Variants in SYNPR observed in about 807,000 individuals in gnomAD.
SYNPR encodes the protein synaptoporin.
Under a neutral mutation model 32.9 loss-of-function variants are expected in SYNPR, and 23 were observed. The observed-to-expected ratio is 0.70, with a 90% CI of 0.50 to 0.99. The LOEUF is 0.99. Ranked by LOEUF, SYNPR falls within the 50% of genes least tolerant of loss-of-function variation. SYNPR has a pLI of 0.00. For synonymous variants in SYNPR, 146 were observed against 135.9 expected (o/e 1.07, Z -0.52); for missense variants, 318 against 349.3 (o/e 0.91, Z 0.71).
At chr3:63,546,169 C>A (rs1273818289) in intron 3 of SYNPR, among the ~76,000 whole-genome samples, 1 of 152,248 alleles carries the variant, frequency 6.6e-6, no homozygotes, top group South Asian at 2.1e-4. Context: ...TTCTCTATTA[C>A]TCAAATTCTA....
rs543985677 is a variant in SYNPR at position 63,502,478 on chromosome 3, CAT to C, written c.209+21526_209+21527del. 1.6e-4 allele frequency among the ~76,000 whole-genome samples: 24 copies of C among 152,250 alleles called. No individual in the cohort carries two copies. The South Asian group carries it at 5.0e-3, about 32-fold the overall frequency. On this transcript the variant is annotated intron_variant, in intron 3 of 5. Transcript: ENST00000478300. ...ACGGGTTTGAGTAAATGTACAATGACATATAATCACCACTATAGTACTATATG... is the reference window on the plus strand; with the variant it reads ...ACGGGTTTGAGTAAATGTACAATGACATAATCACCACTATAGTACTATATG...
intron 2 of SYNPR, among the ~76,000 whole-genome samples, chr3:63,266,106 T>C (rs2086483335): frequency 1.3e-5 from 2 of 152,230 alleles, no homozygotes; most frequent in African/African-American, 2.4e-5. Flanking sequence ...ACCAGGTAAC[T>C]CCCAATCCAA....
In SYNPR at chr3:63,411,649, G is replaced by A. The variant is rs1431227341; in HGVS notation, c.85-69183G>A. Among the ~76,000 whole-genome samples, 3 of 152,054 alleles carry A rather than the reference G, an allele frequency of 2.0e-5. No individual in the cohort carries two copies. In the East Asian group the frequency reaches 5.8e-4, roughly 29 times the overall value. On this transcript the variant is annotated intron_variant, in intron 2 of 5. Transcript: ENST00000478300. ...GAAAGAGAGCAGAAGAGTATTCCAG[G>A]AGACATAAACAGCATGTTCAAAGAC...
At chr3:63,367,875 T>G (rs1340868315) in intron 2 of SYNPR, among the ~76,000 whole-genome samples, 1 of 152,188 alleles carries the variant, frequency 6.6e-6, no homozygotes, top group African/African-American at 2.4e-5. Context: ...CACTGATGAT[T>G]TTCTGCAGGA....
intron 2 of SYNPR, among the ~76,000 whole-genome samples, chr3:63,416,357 C>T (rs1247163751): frequency 6.6e-6 from 1 of 151,834 alleles, no homozygotes; most frequent in African/African-American, 2.4e-5. Context: ...ATGGTGAAAC[C>T]CTGCCTCTAC....
intron 3 of SYNPR, among the ~76,000 whole-genome samples, chr3:63,516,581 T>C (rs1701805273): frequency 6.6e-6 from 1 of 152,060 alleles, no homozygotes; most frequent in Non-Finnish European, 1.5e-5. Flanking sequence ...ACAAATGAAG[T>C]CTCACCTTTA....
intron 4 of SYNPR, among the ~76,000 whole-genome samples, chr3:63,600,582 G>A (rs923501945): frequency 6.6e-6 from 1 of 152,174 alleles, no homozygotes; most frequent in African/African-American, 2.4e-5. Context: ...ATGTGTCAAG[G>A]ACAGGACCAG....
chr3:63,564,195 C>CA (rs1702745003), intron 4 of SYNPR, among the ~76,000 whole-genome samples: 2 of 137,738 alleles, frequency 1.5e-5, no homozygotes, highest in African/African-American at 2.7e-5. Context: ...GTGTGTCTTT[C>CA]TTTTTTTTTT....
Position 63,556,536 on chromosome 3 carries a change from A to G in SYNPR, c.210-7A>G, listed in dbSNP as rs1702597077. The G allele has an allele frequency of 3.1e-6, 5 of 1,604,006 alleles. No homozygotes were observed. In the East Asian group the frequency reaches 9.0e-5, roughly 29 times the overall value. On this transcript the variant is annotated splice_polypyrimidine_tract_variant and splice_region_variant and intron_variant, in intron 3 of 5. Transcript: ENST00000478300. ...TAAAGAATGTCTCCTTAAATCTGGC[A>G]ATTTAGGTTGCACCAGGTGACGTTT...
intron 2 of SYNPR, among the ~76,000 whole-genome samples, chr3:63,376,797 T>C (rs1194646067): frequency 6.6e-6 from 1 of 152,176 alleles, no homozygotes; most frequent in Non-Finnish European, 1.5e-5. Context: ...GTTTGATTCA[T>C]GACACTAGTT....
intron 2 of SYNPR, among the ~76,000 whole-genome samples, chr3:63,314,506 T>C (rs538590311): frequency 6.6e-6 from 1 of 152,200 alleles, no homozygotes; most frequent in South Asian, 2.1e-4. Context: ...TGTTGGTTTG[T>C]TGGCCATTTG....
At chr3:63,369,339 G>T (rs1051038108) in intron 2 of SYNPR, among the ~76,000 whole-genome samples, 1 of 152,144 alleles carries the variant, frequency 6.6e-6, no homozygotes, top group African/African-American at 2.4e-5. Flanking sequence ...TGCCTTGGCA[G>T]CCTGAGCAAA....
At chr3:63,211,528 T>A in the SYNPR span, among the ~76,000 whole-genome samples, 2 of 152,192 alleles carry the variant, frequency 1.3e-5, no homozygotes, top group African/African-American at 4.8e-5. Flanking sequence ...ATTATTTTGT[T>A]ATAAAGTTGT....
At position 63,547,304 on chromosome 3, in the gene SYNPR, C is replaced by T. The variant is rs1702425147; in HGVS notation, c.210-9239C>T. The stretch of plus-strand genomic sequence containing the variant: ...CAAACTTTTTCTTAACTTAAGCAAC[C>T]TGAGTCCAATTGCTGGAGTCTTCTC... On this transcript the variant is annotated intron_variant, in intron 3 of 5. Transcript: ENST00000478300. Among the ~76,000 whole-genome samples, 3 of 152,176 alleles carry T rather than the reference C, an allele frequency of 2.0e-5. No homozygotes were observed. In the South Asian group the frequency reaches 6.2e-4, roughly 32 times the overall value.
chr3:63,571,902 A>G (rs1408365171), intron 4 of SYNPR, among the ~76,000 whole-genome samples: 1 of 152,158 alleles, frequency 6.6e-6, no homozygotes, highest in Non-Finnish European at 1.5e-5. Context: ...TTTCCTGTCC[A>G]GCAAAATGAG....
At chr3:63,282,943 C>T (rs181171440) in intron 2 of SYNPR, among the ~76,000 whole-genome samples, 9 of 152,120 alleles carry the variant, frequency 5.9e-5, no homozygotes, top group Non-Finnish European at 8.8e-5. Context: ...AGTGAGTGTG[C>T]GTGTGTGCAA....
Position 63,514,116 on chromosome 3 carries a change from T to TA in SYNPR, c.209+33167dup, listed in dbSNP as rs372234646. Among the ~76,000 whole-genome samples the TA allele has an allele frequency of 4.6e-3, 695 of 152,238 alleles. 4 individuals are homozygous for TA. The highest frequency in any genetic ancestry group is 0.016 in the African/African-American group (656 of 41,554). Reference sequence around the variant, plus strand: ...TGATTCTTTTAGATCAGTAAAGCACTAAAAAAATTCAATAAGGCATGTAGG... The same window carrying TA: ...TGATTCTTTTAGATCAGTAAAGCACTAAAAAAAATTCAATAAGGCATGTAGG... On this transcript the variant is annotated intron_variant, in intron 3 of 5. Coordinates refer to ENST00000478300, the MANE Select transcript of SYNPR (RefSeq NM_001130003.2).
chr3:63,529,085 C>G (rs1249610597), intron 3 of SYNPR, among the ~76,000 whole-genome samples: 1 of 148,094 alleles, frequency 6.8e-6, no homozygotes, highest in Non-Finnish European at 1.5e-5. Context: ...TTGCCTGACT[C>G]TAGGGTCTGT....
At chr3:63,504,930 A>G (rs1701558217) in intron 3 of SYNPR, among the ~76,000 whole-genome samples, 1 of 152,192 alleles carries the variant, frequency 6.6e-6, no homozygotes, top group Non-Finnish European at 1.5e-5. Context: ...AAAAGAGAGC[A>G]AATCAGAGTA....
Sources: gnomAD v4.1 joint callset for allele counts (sites outside exome capture counted in the v4.1 genomes callset) on GRCh38, gnomAD v4.1.1 for gene constraint, MANE v1.5 for transcripts, NCBI Gene and HGNC (gene_info 2026-07-23, HGNC 2026-07-21) for gene names.